Variants in MRPS21 observed in about 807,000 individuals in gnomAD.
The protein encoded by MRPS21 is small ribosomal subunit protein bS21m.
A neutral mutation model predicts 9.9 loss-of-function variants in MRPS21; 8 were observed. That is an observed-to-expected ratio of 0.81 (90% CI 0.47 to 1.45). The LOEUF is 1.45. Among genes scored for constraint, MRPS21 ranks in the 40% most tolerant of loss-of-function variants. The pLI is 0.00. For missense variants in MRPS21, 101 were observed against 118.9 expected, an observed-to-expected ratio of 0.85 and a Z score of 0.70; for synonymous variants, 40 against 40.3, an observed-to-expected ratio of 0.99 and a Z score of 0.03.
intron 2 of MRPS21, among the ~76,000 whole-genome samples, chr1:150,300,333 A>ACCC (rs1233649901): frequency 6.6e-6 from 1 of 150,970 alleles, no homozygotes; most frequent in East Asian, 1.9e-4. Context: ...ACAAAGTGAG[A>ACCC]CCCTGTCTCA....
At chr1:150,294,902 A>AAAAAAG (rs1229699231) in intron 2 of MRPS21, among the ~76,000 whole-genome samples, 1 of 151,476 alleles carries the variant, frequency 6.6e-6, no homozygotes, top group African/African-American at 2.4e-5. Context: ...ATCTCAAAAA[A>AAAAAAG]AAAGAAAAAA....
Position 150,308,069 on chromosome 1 carries a change from C to G in MRPS21, c.105C>G (p.Leu35=). Residue 35 remains leucine (L), a synonymous_variant, in exon 3 of 3, where the codon CTC becomes CTG. Transcript: ENST00000614145. ...TLNRILTMDG[L]IEDIKHRRYY... is the part of the protein sequence containing the mutation. ...ACAGAATCCTCACTATGGATGGGCTCATTGAGGACATTAAGCATCGGCGGT... is the reference window on the plus strand; with the variant it reads ...ACAGAATCCTCACTATGGATGGGCTGATTGAGGACATTAAGCATCGGCGGT... 6.3e-7 allele frequency: 1 copy of G among 1,591,810 alleles called. No individual in the cohort carries two copies. Among genetic ancestry groups the G allele is most frequent in the South Asian group, 1.1e-5 (1 of 90,460 alleles).
At chr1:150,305,619 G>C (rs1024236975) in intron 2 of MRPS21, among the ~76,000 whole-genome samples, 4 of 151,954 alleles carry the variant, frequency 2.6e-5, no homozygotes, top group African/African-American at 9.7e-5. Context: ...TTTTTGAGAT[G>C]GAGTCTCCAT....
At chr1:150,305,756 A>G (rs1298676270) in intron 2 of MRPS21, among the ~76,000 whole-genome samples, 2 of 151,996 alleles carry the variant, frequency 1.3e-5, no homozygotes, top group Non-Finnish European at 2.9e-5. Flanking sequence ...CACCATGCCC[A>G]GCTAATTTTT....
intron 2 of MRPS21, chr1:150,304,222 A>C (rs580159): frequency 0.46 from 142,815 of 307,578 alleles, 35,921 homozygotes; most frequent in East Asian, 0.77. Context: ...GAGGCGGGAG[A>C]ATTGCTTGAA....
At chr1:150,293,983 A>G (rs1454187261) in intron 1 of MRPS21, 85 bp downstream of exon 1, 5 of 225,804 alleles carry the variant, frequency 2.2e-5, no homozygotes, top group Non-Finnish European at 4.6e-5. Context: ...TTTTCCAAAG[A>G]CCAACAAAGA....
intron 2 of MRPS21, among the ~76,000 whole-genome samples, chr1:150,296,072 C>T (rs587728351): frequency 2.0e-5 from 3 of 151,938 alleles, no homozygotes; most frequent in South Asian, 2.1e-4. Context: ...CTGCCTCAGT[C>T]TCCTGAGTAG....
In MRPS21 at chr1:150,294,406, G is replaced by A. The variant is rs782626129; in HGVS notation, c.40G>A (p.Val14Ile). 4 of 1,613,764 alleles carry A rather than the reference G, an allele frequency of 2.5e-6. No individual in the cohort carries two copies. The highest frequency in any genetic ancestry group is 3.4e-6 in the Non-Finnish European group (4 of 1,179,838). The change falls in exon 2 of 3, where the codon GTA becomes ATA. Residue 14 changes from valine to isoleucine, a missense_variant. Transcript: ENST00000614145. ...GAAGTTCATCGCCAGGACTGTGATG[G>A]TACAGGAAGGGAACGTGGAAAGCGC... Reference protein sequence around the residue: ...HLKFIARTVMVQEGNVESAYR... With the variant: ...HLKFIARTVMIQEGNVESAYR...
Position 150,308,394 on chromosome 1 carries a change from C to T in MRPS21, c.*166C>T. 1.6e-6 allele frequency: 1 copy of T among 607,350 alleles called. No individual in the cohort carries two copies. 37.6% of individuals were successfully genotyped at this position (607,350 alleles called of 1,614,324 possible). A position where few individuals can be genotyped will look rare whatever the true frequency, so the allele number is the denominator to read the frequency against. ...AACAATCCCATTAGTCAGCAGTGGA[C>T]CCTGTCTTTTATTAAGTGAAAGAAG... On this transcript the variant is annotated 3_prime_UTR_variant, in exon 3 of 3. Transcript: ENST00000614145.
chr1:150,305,773 T>G (rs986226931), intron 2 of MRPS21, among the ~76,000 whole-genome samples: 4 of 152,262 alleles, frequency 2.6e-5, no homozygotes, highest in Admixed American at 1.3e-4. Flanking sequence ...TTTTGTATTT[T>G]TAGTAGAGAT....
intron 2 of MRPS21, among the ~76,000 whole-genome samples, chr1:150,305,254 G>C (rs1290892945): frequency 1.3e-5 from 2 of 152,012 alleles, no homozygotes; most frequent in Non-Finnish European, 2.9e-5. Context: ...GCTCAGGCTA[G>C]TGTCAAACTC....
chr1:150,308,142 T>C lies in MRPS21; in HGVS notation c.178T>C (p.Cys60Arg). 1 of 1,610,176 alleles carries C rather than the reference T, an allele frequency of 6.2e-7. No individual in the cohort carries two copies. The highest frequency in any genetic ancestry group is 8.5e-7 in the Non-Finnish European group (1 of 1,176,728). ...GCGACAGAGGGAAAGCTATGAAAGG[T>C]GCCGGCGGATCTACAACATGGAAAT... ...CRRQRESYERCRRIYNMEMAR... is the reference protein window; with the variant it reads ...CRRQRESYERRRRIYNMEMAR... Residue 60 changes from cysteine (C) to arginine (R), a missense_variant, in exon 3 of 3, where the codon TGC (cysteine) becomes CGC (arginine). Transcript: ENST00000614145.
intron 2 of MRPS21, among the ~76,000 whole-genome samples, chr1:150,299,478 A>G (rs1478957275): frequency 6.7e-6 from 1 of 149,416 alleles, no homozygotes; most frequent in Non-Finnish European, 1.5e-5. Flanking sequence ...GTTTGAGACG[A>G]TGTCTCGCTC....
At chr1:150,307,972 T>C in intron 2 of MRPS21, 76 bp from the exon 3 acceptor site, 2 of 1,351,320 alleles carry the variant, frequency 1.5e-6, no homozygotes, top group Non-Finnish European at 2.0e-6. Flanking sequence ...GTTTGGTCAA[T>C]CGACTTCTAT....
chr1:150,306,413 C>T (rs1217895008), intron 2 of MRPS21, among the ~76,000 whole-genome samples: 1 of 151,642 alleles, frequency 6.6e-6, no homozygotes, highest in African/African-American at 2.4e-5. Flanking sequence ...GTACAGGTGC[C>T]CACCACTACG....
Position 150,296,243 on chromosome 1 carries a change from C to T in MRPS21, c.83+1794C>T, listed in dbSNP as rs984075676. The stretch of plus-strand genomic sequence containing the variant: ...GATTACAGGCATGAGCCACTGCATC[C>T]GGCCCAGCCCTAGTAGTACTTTACC... On this transcript the variant is annotated intron_variant, in intron 2 of 2. Transcript: ENST00000614145. Among the ~76,000 whole-genome samples the T allele has an allele frequency of 5.9e-5, 9 of 152,298 alleles. No homozygotes were observed. The East Asian group carries it at 1.2e-3, about 20-fold the overall frequency.
At chr1:150,305,893 C>T (rs1376389731) in intron 2 of MRPS21, among the ~76,000 whole-genome samples, 1 of 152,112 alleles carries the variant, frequency 6.6e-6, no homozygotes, top group Non-Finnish European at 1.5e-5. Flanking sequence ...GGGCTTTGAG[C>T]TTAGACTAGT....
intron 2 of MRPS21, among the ~76,000 whole-genome samples, chr1:150,305,353 T>C (rs1654292278): frequency 6.6e-6 from 1 of 152,174 alleles, no homozygotes; most frequent in Admixed American, 6.6e-5. Flanking sequence ...ATCCCTGTTT[T>C]AACAAGCTTT....
intron 2 of MRPS21, chr1:150,301,339 A>G: frequency 6.6e-6 from 1 of 152,516 alleles, no homozygotes. Flanking sequence ...TCGTCTCAAA[A>G]GAAAAAAAAT....
Sources: allele counts gnomAD v4.1 joint callset (sites outside exome capture counted in the v4.1 genomes callset), GRCh38; gene constraint gnomAD v4.1.1; transcripts MANE v1.5; gene names NCBI Gene and HGNC (gene_info 2026-07-23, HGNC 2026-07-21).